PARP4: variants seen among roughly 807,000 people sequenced by gnomAD.
PARP4 encodes the protein protein mono-ADP-ribosyltransferase PARP4.
PARP4 carries 120 observed loss-of-function variants against 187.7 expected under a neutral mutation model. The ratio of observed to expected loss-of-function variants is 0.64; its 90% confidence interval spans 0.55 to 0.74. PARP4 has a LOEUF of 0.74. Ranked by LOEUF, PARP4 falls within the 30% of genes least tolerant of loss-of-function variation. The pLI is 0.00. For missense variants in PARP4, 1,836 were observed against 2,070.5 expected (o/e 0.89, Z 2.20); for synonymous variants, 654 against 740.9 (o/e 0.88, Z 1.90).
intron 17 of PARP4, among the ~76,000 whole-genome samples, chr13:24,465,559 G>C (rs1210982570): frequency 3.9e-5 from 6 of 152,102 alleles, no homozygotes; most frequent in African/African-American, 1.4e-4. Context: ...TTACACGTGG[G>C]AGCTGAACAA....
intron 33 of PARP4, among the ~76,000 whole-genome samples, chr13:24,422,115 GTC>G (rs1213694136): frequency 6.6e-6 from 1 of 152,148 alleles, no homozygotes; most frequent in Non-Finnish European, 1.5e-5. Context: ...CTGGGTTTGA[GTC>G]CTGACTCTGC....
chr13:24,479,362 C>T (rs1299603046), intron 12 of PARP4, among the ~76,000 whole-genome samples: 1 of 152,178 alleles, frequency 6.6e-6, no homozygotes, highest in African/African-American at 2.4e-5. Flanking sequence ...CATTAAACCC[C>T]ACTCTGGACT....
chr13:24,434,955 A>T lies in PARP4; in HGVS notation c.4186T>A (p.Tyr1396Asn), dbSNP rs746406418. 3.1e-6 allele frequency: 5 copies of T among 1,613,934 alleles called. No homozygotes were observed. The highest frequency in any genetic ancestry group is 3.4e-6 in the Non-Finnish European group (4 of 1,179,912). Residue 1396 changes from tyrosine to asparagine, a missense_variant, in exon 31 of 34, where the codon TAT (tyrosine) becomes AAT (asparagine). Tyr to Asn is a moderately radical substitution (Grantham distance 143). Coordinates refer to ENST00000381989, the MANE Select transcript of PARP4 (RefSeq NM_006437.4). Reference protein sequence around the residue: ...GPPQNPPSSPYCGIVFSGSSL... With the variant: ...GPPQNPPSSPNCGIVFSGSSL... The stretch of plus-strand genomic sequence containing the variant: ...CTCCCTGAAAAAACAATGCCACAAT[A>T]GGGTGAAGAAGGTGGGTTCTGGGGA...
Position 24,431,493 on chromosome 13 carries a change from AC to A in PARP4, c.4747-18del. 1 of 1,478,398 alleles carries A rather than the reference AC, an allele frequency of 6.8e-7. No individual in the cohort carries two copies. Among genetic ancestry groups the A allele is most frequent in the Non-Finnish European group, 9.4e-7 (1 of 1,067,130 alleles). The allele number at this position is 1,478,398 out of a possible 1,614,324, so 91.6% of individuals were successfully genotyped here. ...GAAGCCATCCTACAAAATTAAGGAA[AC>A]AAAAATAAGTTATGTTATTCACATT... On this transcript the variant is annotated intron_variant, in intron 31 of 33. Transcript: ENST00000381989.
At chr13:24,428,738 G>A (rs1172232566) in intron 32 of PARP4, among the ~76,000 whole-genome samples, 6 of 152,184 alleles carry the variant, frequency 3.9e-5, no homozygotes, top group Non-Finnish European at 8.8e-5. Flanking sequence ...CTCCCAAAGT[G>A]CAGGCATTAC....
At chr13:24,426,414 AATAAATAGTTGAAAAT>A (rs1201471046) in intron 33 of PARP4, 36 bp downstream of exon 33, 16 of 1,372,326 alleles carry the variant, frequency 1.2e-5, no homozygotes, top group Non-Finnish European at 1.5e-5. Flanking sequence ...AGGTTTATTA[AATAAATAGTTGAAAAT>A]ATAAATAAGT....
chr13:24,476,810 G>A (rs893648089), intron 14 of PARP4, among the ~76,000 whole-genome samples: 17 of 152,116 alleles, frequency 1.1e-4, no homozygotes, highest in African/African-American at 3.4e-4. Context: ...TTGTATGCTC[G>A]CACTACTATG....
At chr13:24,474,873 C>T (rs1443351095) in intron 15 of PARP4, among the ~76,000 whole-genome samples, 2 of 151,928 alleles carry the variant, frequency 1.3e-5, no homozygotes, top group Non-Finnish European at 2.9e-5. Context: ...TGTGAGAGCC[C>T]CTCACCTCTC....
At chr13:24,490,622 G>A (rs1164673055) in intron 10 of PARP4, 46 bp downstream of exon 10, 2 of 1,460,608 alleles carry the variant, frequency 1.4e-6, no homozygotes, top group African/African-American at 1.4e-5. Context: ...GAGTCTCAAA[G>A]AGCATTATAT....
At chr13:24,463,456 A>G (rs1390899003) in intron 17 of PARP4, among the ~76,000 whole-genome samples, 2 of 152,166 alleles carry the variant, frequency 1.3e-5, no homozygotes, top group Non-Finnish European at 2.9e-5. Context: ...AAACGGTAAA[A>G]ATGTGAATAA....
rs1565988723 is a variant in PARP4 at position 24,435,093 on chromosome 13, A to AACTAG, written c.4043_4047dup (p.Phe1350LeufsTer59). On this transcript the variant is annotated frameshift_variant, in exon 31 of 34. Transcript: ENST00000381989. LOFTEE classifies it high-confidence loss of function. Reference sequence around the variant, plus strand: ...TGTCTGGGAGGAGCAGCTGAACCGAAACTAGCTACCTGACGATATGAGGCA... The same window carrying AACTAG: ...TGTCTGGGAGGAGCAGCTGAACCGAAACTAGACTAGCTACCTGACGATATGAGGCA... 6.2e-7 allele frequency: 1 copy of AACTAG among 1,614,166 alleles called. No homozygotes were observed. The highest frequency in any genetic ancestry group is 8.5e-7 in the Non-Finnish European group (1 of 1,180,042).
At chr13:24,452,118 G>A in intron 24 of PARP4, 1 of 308,948 alleles carries the variant, frequency 3.2e-6, no homozygotes, top group East Asian at 6.0e-5. Context: ...TTCTATGTAT[G>A]AGCTCATTTA....
intron 15 of PARP4, among the ~76,000 whole-genome samples, chr13:24,473,938 T>G (rs757954800): frequency 9.9e-5 from 15 of 152,118 alleles, no homozygotes; most frequent in Non-Finnish European, 1.8e-4. Flanking sequence ...GCTCTACTGA[T>G]TCTCTGGGTG....
intron 14 of PARP4, among the ~76,000 whole-genome samples, 195 bp from the exon 15 acceptor site, chr13:24,475,791 C>T (rs1187581787): frequency 2.7e-5 from 4 of 148,178 alleles, no homozygotes; most frequent in Admixed American, 2.0e-4. Flanking sequence ...TGCCTTCTGC[C>T]TTTTTTTTTT....
rs5802279 is a variant in PARP4 at position 24,426,891 on chromosome 13, C to CA, written c.4847-294dup. Among the ~76,000 whole-genome samples the CA allele has an allele frequency of 1.5e-3, 139 of 93,580 alleles. 3 individuals carry two copies. The highest frequency in any genetic ancestry group is 2.8e-3 in the East Asian group (8 of 2,874). The allele number at this position is 93,580 out of a possible 152,430, so 61.4% of individuals were successfully genotyped here. A position where few individuals can be genotyped will look rare whatever the true frequency, so the allele number is the denominator to read the frequency against. On this transcript the variant is annotated intron_variant, in intron 32 of 33. Coordinates refer to ENST00000381989, the MANE Select transcript of PARP4 (RefSeq NM_006437.4). ...TGGGCGACAGAGTGAGACTCTGTCTCAAAAAAAAAAAAAAAAAAAAAAAAA... is the reference window on the plus strand; with the variant it reads ...TGGGCGACAGAGTGAGACTCTGTCTCAAAAAAAAAAAAAAAAAAAAAAAAAA...
chr13:24,449,763 T>C lies in PARP4; in HGVS notation c.3069A>G (p.Val1023=). 1.2e-6 allele frequency: 2 copies of C among 1,611,198 alleles called. No individual in the cohort carries two copies. Among genetic ancestry groups the C allele is most frequent in the Non-Finnish European group, 1.7e-6 (2 of 1,177,822 alleles). ...TGGATTTTGCATTAAAATATTCAAA[T>C]ACTCCGGCACCACACTGGGACAAAA... ...LRILSQCGAG[V]FEYFNAKSKH... is the part of the protein sequence containing the mutation. Residue 1023 remains valine (V), a synonymous_variant, in exon 25 of 34, where the codon GTA becomes GTG. Transcript: ENST00000381989.
intron 23 of PARP4, among the ~76,000 whole-genome samples, chr13:24,452,888 C>T (rs955564395): frequency 1.3e-5 from 2 of 152,162 alleles, no homozygotes; most frequent in African/African-American, 4.8e-5. Context: ...CTGGCTGAGG[C>T]AGCTGGTCAG....
At chr13:24,497,029 AAAG>A (rs1470609954) in intron 6 of PARP4, among the ~76,000 whole-genome samples, 4 of 152,292 alleles carry the variant, frequency 2.6e-5, no homozygotes, top group African/African-American at 9.6e-5. Flanking sequence ...TCTCGGGGAA[AAAG>A]AAGAAAAAAA....
chr13:24,444,466 C>T (rs1871110344), intron 27 of PARP4, among the ~76,000 whole-genome samples: 1 of 152,082 alleles, frequency 6.6e-6, no homozygotes, highest in Non-Finnish European at 1.5e-5. Context: ...CGATTTAGTG[C>T]TGAAAAGTAA....
Sources: allele counts gnomAD v4.1 joint callset (sites outside exome capture counted in the v4.1 genomes callset), GRCh38; gene constraint gnomAD v4.1.1; transcripts MANE v1.5; gene names NCBI Gene and HGNC (gene_info 2026-07-23, HGNC 2026-07-21).